PUS10: variants seen among roughly 807,000 people sequenced by gnomAD.
PUS10 encodes tRNA pseudouridine synthase Pus10.
A neutral mutation model predicts 75.0 loss-of-function variants in PUS10; 59 were observed. The observed-to-expected ratio is 0.79, with a 90% confidence interval of 0.64 to 0.98. The LOEUF (loss-of-function observed/expected upper bound fraction) is 0.98. Ranked by LOEUF, PUS10 falls within the 50% of genes least tolerant of loss-of-function variation. The probability of loss-of-function intolerance (pLI) is 0.00; values close to 1 mark genes in which losing one functional copy is unlikely to be tolerated. For synonymous variants in PUS10, 219 were observed against 211.6 expected, an observed-to-expected ratio of 1.03 and a Z score of -0.30; for missense variants, 650 against 614.4, an observed-to-expected ratio of 1.06 and a Z score of -0.61.
rs771610641 is a variant in PUS10, at chr2:61,017,848, T to G, written c.-16+160A>C. On this transcript the variant is annotated intron_variant, in intron 1 of 17. Coordinates refer to ENST00000316752, the MANE Select transcript of PUS10 (RefSeq NM_144709.4). Reference sequence around the variant, plus strand: ...CCGGGACCAGGACCGGGCCCCACTTTCCAGTGAGTGTGGGATTCTTCAGGC... The same window carrying G: ...CCGGGACCAGGACCGGGCCCCACTTGCCAGTGAGTGTGGGATTCTTCAGGC... The G allele has an allele frequency of 4.5e-6, 7 of 1,550,304 alleles. No homozygotes were observed. In the African/African-American group the frequency reaches 9.6e-5, roughly 21 times the overall value.
At chr2:60,998,539 A>G (rs1029479102) in intron 4 of PUS10, among the ~76,000 whole-genome samples, 6 of 152,058 alleles carry the variant, frequency 3.9e-5, no homozygotes, top group African/African-American at 1.2e-4. Context: ...AAATACAAAA[A>G]TTAGCCGGAT....
intron 4 of PUS10, among the ~76,000 whole-genome samples, chr2:61,001,886 T>C (rs1264195493): frequency 1.3e-5 from 2 of 152,222 alleles, no homozygotes; most frequent in Non-Finnish European, 2.9e-5. Context: ...TCAATCCTTT[T>C]AATTTATCTT....
intron 17 of PUS10, among the ~76,000 whole-genome samples, chr2:60,943,222 T>C (rs1293483824): frequency 6.6e-6 from 1 of 152,114 alleles, no homozygotes; most frequent in Non-Finnish European, 1.5e-5. Flanking sequence ...AGCAACAAAA[T>C]GTGAAATAAA....
chr2:60,978,278 C>T (rs1444149458), intron 4 of PUS10, among the ~76,000 whole-genome samples: 2 of 151,626 alleles, frequency 1.3e-5, no homozygotes, highest in South Asian at 4.2e-4. Context: ...AAAAATTAGC[C>T]GGGTGTGGTG....
In PUS10 at chr2:61,011,834, A is replaced by T; in HGVS notation, c.57T>A (p.Gly19=). The T allele has an allele frequency of 6.2e-7, 1 of 1,610,758 alleles. No individual in the cohort carries two copies. The highest frequency in any genetic ancestry group is 8.5e-7 in the Non-Finnish European group (1 of 1,178,036). Residue 19 remains glycine, a synonymous_variant, in exon 2 of 18, where the codon GGT becomes GGA. Coordinates refer to ENST00000316752, the MANE Select transcript of PUS10 (RefSeq NM_144709.4). ...ATCTGAAGATACATCTTGGACAAGT[A>T]CCAGTATTGAGCAACAACTGGGCCA... ...KHVAQLLLNT[G]TCPRCIFRFC... is the part of the protein sequence containing the mutation.
intron 16 of PUS10, among the ~76,000 whole-genome samples, chr2:60,946,805 GC>G (rs1428550073): frequency 6.0e-5 from 9 of 149,500 alleles, no homozygotes; most frequent in African/African-American, 2.2e-4. Context: ...ATTAAAACTT[GC>G]TTTTTTCCCA....
chr2:60,965,657 T>C (rs915968018), intron 6 of PUS10, 173 bp from the exon 7 acceptor site: 1 of 481,778 alleles, frequency 2.1e-6, no homozygotes, highest in Admixed American at 4.0e-5. Flanking sequence ...GTAAAGGAAA[T>C]AGTTTTGTTT....
At position 60,962,854 on chromosome 2, in the gene PUS10, T is replaced by C; in HGVS notation, c.760A>G (p.Asn254Asp). 1 of 1,572,926 alleles carries C rather than the reference T, an allele frequency of 6.4e-7. No homozygotes were observed. The highest frequency in any genetic ancestry group is 8.6e-7 in the Non-Finnish European group (1 of 1,165,488). The change falls in exon 9 of 18, where the codon AAT becomes GAT. Residue 254 changes from asparagine (N) to aspartate (D), a missense_variant. Physicochemically the swap from Asn to Asp is conservative, Grantham distance 23 (BLOSUM62 1). Coordinates refer to ENST00000316752, the MANE Select transcript of PUS10 (RefSeq NM_144709.4). Reference sequence around the variant, plus strand: ...AGGAAATCCTCTTCCTTTATCTTATTCAAGGCTTTCATAACTGCCATTCTA... The same window carrying C: ...AGGAAATCCTCTTCCTTTATCTTATCCAAGGCTTTCATAACTGCCATTCTA... The part of the protein sequence containing the change: ...FTRMAVMKAL[N>D]KIKEEDFLKQ...
chr2:60,994,244 T>C (rs1358366292), intron 4 of PUS10, among the ~76,000 whole-genome samples: 1 of 151,936 alleles, frequency 6.6e-6, no homozygotes, highest in Non-Finnish European at 1.5e-5. Flanking sequence ...ACTTGCCACC[T>C]AGCCCCCTCT....
In PUS10 at chr2:60,988,014, G is replaced by C. The variant is rs181744908; in HGVS notation, c.469-16457C>G. Reference sequence around the variant, plus strand: ...TGAGGCAGGAGAATCTCTTGAACCTGGGAGGAGGAGGGTGCAGTGAGCTGA... The same window carrying C: ...TGAGGCAGGAGAATCTCTTGAACCTCGGAGGAGGAGGGTGCAGTGAGCTGA... On this transcript the variant is annotated intron_variant, in intron 4 of 17. Transcript: ENST00000316752. Among the ~76,000 whole-genome samples, 876 of 152,032 alleles carry C rather than the reference G, an allele frequency of 5.8e-3. 4 individuals are homozygous for C. Among genetic ancestry groups the C allele is most frequent in the African/African-American group, 0.019 (804 of 41,482 alleles).
chr2:60,941,859 C>T lies in PUS10; in HGVS notation c.*536G>A, dbSNP rs1674643006. The stretch of plus-strand genomic sequence containing the variant: ...GGTTAAGATTTATGACAAATCACAG[C>T]CAAAAGAACTTCATTGGTAATAGCT... On this transcript the variant is annotated 3_prime_UTR_variant, in exon 18 of 18. Transcript: ENST00000316752. 6.6e-6 allele frequency: 1 copy of T among 152,182 alleles called. No homozygotes were observed. Among genetic ancestry groups the T allele is most frequent in the Admixed American group, 6.6e-5 (1 of 15,264 alleles). 9.4% of individuals were successfully genotyped at this position (152,182 alleles called of 1,614,324 possible).
rs575305976 is a variant in PUS10 at position 60,947,974 on chromosome 2, C to G, written c.1451+69G>C. ...TCCCAGACCAAGCTGACCCTGTTTT[C>G]TAGGGGACCATGAACTTTTCCAATA... On this transcript the variant is annotated intron_variant, in intron 16 of 17. Transcript: ENST00000316752. 1.2e-4 allele frequency: 190 copies of G among 1,564,436 alleles called. No individual in the cohort carries two copies. The African/African-American group carries it at 2.2e-3, about 18-fold the overall frequency.
chr2:61,002,607 ACT>A (rs1036907900), intron 4 of PUS10, among the ~76,000 whole-genome samples: 1 of 152,044 alleles, frequency 6.6e-6, no homozygotes, highest in Non-Finnish European at 1.5e-5. Flanking sequence ...CCATGAGATC[ACT>A]CTCAGGATCT....
intron 4 of PUS10, among the ~76,000 whole-genome samples, chr2:60,994,248 C>A (rs926388428): frequency 3.3e-5 from 5 of 151,772 alleles, no homozygotes; most frequent in Admixed American, 3.3e-4. Context: ...GCCACCTAGC[C>A]CCCTCTTCTT....
At chr2:61,013,701 C>T (rs1679782885) in intron 1 of PUS10, among the ~76,000 whole-genome samples, 1 of 152,146 alleles carries the variant, frequency 6.6e-6, no homozygotes, top group South Asian at 2.1e-4. Context: ...ACTGGACTAC[C>T]CTTAATGATA....
chr2:60,968,229 G>C (rs987050143), intron 5 of PUS10, among the ~76,000 whole-genome samples: 3 of 152,134 alleles, frequency 2.0e-5, no homozygotes, highest in Non-Finnish European at 4.4e-5. Flanking sequence ...GTTTTGGGAA[G>C]TCCCTTTTAT....
chr2:60,980,206 G>T (rs1371507168), intron 4 of PUS10, among the ~76,000 whole-genome samples: 1 of 152,160 alleles, frequency 6.6e-6, no homozygotes, highest in East Asian at 1.9e-4. Context: ...CTGAATTTCA[G>T]GTAACTCTAG....
chr2:60,973,275 C>T (rs750866573), intron 4 of PUS10, among the ~76,000 whole-genome samples: 5 of 152,222 alleles, frequency 3.3e-5, no homozygotes, highest in African/African-American at 7.2e-5. Flanking sequence ...GTGGGGAAAA[C>T]GCAAAGAGGC....
At chr2:60,986,226 A>T (rs1311306975) in intron 4 of PUS10, among the ~76,000 whole-genome samples, 1 of 152,202 alleles carries the variant, frequency 6.6e-6, no homozygotes, top group Non-Finnish European at 1.5e-5. Flanking sequence ...GGTTTTATCT[A>T]TTCATTAAAA....
Sources: allele counts gnomAD v4.1 joint callset (sites outside exome capture counted in the v4.1 genomes callset), GRCh38; gene constraint gnomAD v4.1.1; transcripts MANE v1.5; gene names NCBI Gene and HGNC (gene_info 2026-07-23, HGNC 2026-07-21).